Variants in ZBTB38 observed in about 807,000 individuals in gnomAD.
ZBTB38 encodes the protein zinc finger and BTB domain-containing protein 38.
In ZBTB38, 20 loss-of-function variants were observed where a neutral mutation model predicts 76.8. That is an observed-to-expected ratio of 0.26 (90% CI 0.18 to 0.38). The LOEUF (loss-of-function observed/expected upper bound fraction) is 0.38, where lower values mean the gene tolerates loss of function less well. Among genes scored for constraint, ZBTB38 ranks in the 10% least tolerant of loss-of-function variants. The pLI, the probability that ZBTB38 is intolerant of heterozygous loss-of-function variation, is 1.00. For synonymous variants in ZBTB38, 504 were observed against 544.2 expected (o/e 0.93, Z 1.03); for missense variants, 1,082 against 1,482.3 (o/e 0.73, Z 4.43).
chr3:141,443,534 C>G lies in ZBTB38; in HGVS notation c.1146C>G (p.Thr382=). 1 of 1,614,172 alleles carries G rather than the reference C, an allele frequency of 6.2e-7. No homozygotes were observed. ...VCKYCNKQFT[T]LNRLDRHEQI... ...AGTATTGCAACAAACAATTCACCAC[C>G]CTGAACAGGTTGGATCGGCATGAAC... Residue 382 remains threonine, a synonymous_variant, in exon 6 of 6, where the codon ACC becomes ACG. Coordinates refer to ENST00000321464, the MANE Select transcript of ZBTB38 (RefSeq NM_001376113.1). This position sits in a 1 kb window ranked among gnomAD's most constrained non-coding sequence, Gnocchi z 5.6.
chr3:141,398,188 A>G (rs1950790346), intron 4 of ZBTB38, among the ~76,000 whole-genome samples: 2 of 152,184 alleles, frequency 1.3e-5, no homozygotes, highest in African/African-American at 4.8e-5. Flanking sequence ...TTGCAGGCCC[A>G]TTTTCTAATT....
rs368598601 is a variant in ZBTB38, at chr3:141,442,676, C to T, written c.288C>T (p.Val96=). The stretch of plus-strand genomic sequence containing the variant: ...TTAATTATATCTACAGTTCCACAGT[C>T]GTTGTCAAGAGACAGGAAACAGTCA... ...EILNYIYSST[V]VVKRQETVTD... The change falls in exon 6 of 6, where the codon GTC becomes GTT. Residue 96 remains valine (V), a synonymous_variant. Coordinates refer to ENST00000321464, the MANE Select transcript of ZBTB38 (RefSeq NM_001376113.1). This position sits in a 1 kb window ranked among gnomAD's most constrained non-coding sequence, Gnocchi z 6.4. The T allele has an allele frequency of 8.7e-6, 14 of 1,613,986 alleles. No individual in the cohort carries two copies. The highest frequency in any genetic ancestry group is 3.3e-5 in the Admixed American group (2 of 60,004).
intron 4 of ZBTB38, among the ~76,000 whole-genome samples, chr3:141,391,054 G>A (rs894602124): frequency 2.0e-5 from 3 of 152,066 alleles, no homozygotes; most frequent in African/African-American, 7.2e-5. Flanking sequence ...TAGCTATGCC[G>A]GAGGCTGAGG....
chr3:141,439,418 A>G (rs2079582875), intron 5 of ZBTB38, among the ~76,000 whole-genome samples: 1 of 152,272 alleles, frequency 6.6e-6, no homozygotes, highest in Non-Finnish European at 1.5e-5. Context: ...CAATATTTTA[A>G]TGACATATAT....
chr3:141,372,865 G>A (rs887992134), intron 2 of ZBTB38, among the ~76,000 whole-genome samples: 4 of 152,176 alleles, frequency 2.6e-5, no homozygotes, highest in African/African-American at 9.7e-5. Context: ...GTGGGAGAAT[G>A]GCTAATCACA....
In ZBTB38 at chr3:141,444,210, C is replaced by T; in HGVS notation, c.1822C>T (p.Pro608Ser). Residue 608 changes from proline (P) to serine (S), a missense_variant, in exon 6 of 6, where the codon CCA becomes TCA. Around this residue, in one of 8 missense-constraint regions of ZBTB38, gnomAD observed 471 missense variants for 581.0 expected, o/e 0.81. Coordinates refer to ENST00000321464, the MANE Select transcript of ZBTB38 (RefSeq NM_001376113.1). The surrounding 1 kb of genome is among the most constrained non-coding windows in gnomAD (Gnocchi z 5.1). ...SAPGTYVVQNPHSSELPTLNF... is the reference protein window; with the variant it reads ...SAPGTYVVQNSHSSELPTLNF... ...ACCTGGTACCTATGTTGTTCAGAAT[C>T]CACACAGCTCTGAATTACCAACGCT... The T allele has an allele frequency of 6.2e-7, 1 of 1,614,192 alleles. No individual in the cohort carries two copies.
intron 5 of ZBTB38, among the ~76,000 whole-genome samples, chr3:141,412,270 C>T (rs1956925046): frequency 1.3e-5 from 2 of 152,172 alleles, no homozygotes; most frequent in African/African-American, 2.4e-5. Flanking sequence ...GACGATTACC[C>T]TTGTGAAAGG....
At chr3:141,423,251 A>G (rs2075772544) in intron 5 of ZBTB38, among the ~76,000 whole-genome samples, 1 of 152,224 alleles carries the variant, frequency 6.6e-6, no homozygotes. Flanking sequence ...ACTGTCGAGC[A>G]TTTAATTGGT....
Position 141,442,315 on chromosome 3 carries a change from A to C in ZBTB38, c.1-74A>C. 1 of 1,124,616 alleles carries C rather than the reference A, an allele frequency of 8.9e-7. No homozygotes were observed. Among genetic ancestry groups the C allele is most frequent in the Non-Finnish European group, 1.3e-6 (1 of 779,756 alleles). 69.7% of individuals were successfully genotyped at this position (1,124,616 alleles called of 1,614,324 possible). A position where few individuals can be genotyped will look rare whatever the true frequency, so the allele number is the denominator to read the frequency against. ...CATACAAAAGAACAGTTTTTCACAG[A>C]AGTGGAAAATAGTCTAGAGATAAAG... On this transcript the variant is annotated intron_variant, in intron 5 of 5. Transcript: ENST00000321464. The surrounding 1 kb of genome is among the most constrained non-coding windows in gnomAD (Gnocchi z 6.4).
intron 2 of ZBTB38, among the ~76,000 whole-genome samples, chr3:141,377,769 A>G (rs550388423): frequency 3.9e-5 from 6 of 152,232 alleles, no homozygotes; most frequent in Middle Eastern, 3.2e-3. Context: ...CTATTCAGCA[A>G]TAAAAAGGCA....
At chr3:141,336,196 T>C (rs545389881) in intron 1 of ZBTB38, among the ~76,000 whole-genome samples, 1 of 152,328 alleles carries the variant, frequency 6.6e-6, no homozygotes, top group East Asian at 1.9e-4. Context: ...GATGGGACGT[T>C]TGTCTTAAAG....
chr3:141,400,940 G>A (rs1275278658), intron 4 of ZBTB38, among the ~76,000 whole-genome samples: 1 of 152,158 alleles, frequency 6.6e-6, no homozygotes, highest in Admixed American at 6.5e-5. Context: ...CCACCTTCCA[G>A]TCACAGGGAA....
chr3:141,351,923 G>A lies in ZBTB38; in HGVS notation c.-738-16698G>A, dbSNP rs184170774. Among the ~76,000 whole-genome samples the A allele has an allele frequency of 2.0e-5, 3 of 152,108 alleles. No homozygotes were observed. The East Asian group carries it at 5.8e-4, about 29-fold the overall frequency. ...ATACCATTTGAACCTCAGGTTGTTGGAGATTTCAATACAAAGATAAAGTCT... is the reference window on the plus strand; with the variant it reads ...ATACCATTTGAACCTCAGGTTGTTGAAGATTTCAATACAAAGATAAAGTCT... On this transcript the variant is annotated intron_variant, in intron 1 of 7. Transcript: ENST00000509842.
At chr3:141,440,206 C>A (rs2079802810) in intron 5 of ZBTB38, among the ~76,000 whole-genome samples, 1 of 152,144 alleles carries the variant, frequency 6.6e-6, no homozygotes, top group African/African-American at 2.4e-5. Context: ...AGAATAGCTA[C>A]AACAATTGAT....
intron 3 of ZBTB38, among the ~76,000 whole-genome samples, chr3:141,382,328 A>G (rs1946318273): frequency 6.6e-6 from 1 of 152,226 alleles, no homozygotes; most frequent in Non-Finnish European, 1.5e-5. Context: ...CTGATAACAA[A>G]TTTATTCACA....
At chr3:141,340,751 G>T (rs1447099239) in intron 1 of ZBTB38, among the ~76,000 whole-genome samples, 1 of 151,666 alleles carries the variant, frequency 6.6e-6, no homozygotes, top group Non-Finnish European at 1.5e-5. Context: ...CAAAAAATTA[G>T]CCGGGTGTGG....
At chr3:141,421,491 G>T (rs560992907) in intron 5 of ZBTB38, among the ~76,000 whole-genome samples, 1 of 151,994 alleles carries the variant, frequency 6.6e-6, no homozygotes, top group Non-Finnish European at 1.5e-5. Context: ...AGTTTTTTGG[G>T]TTTTTTTGTT....
chr3:141,381,637 GC>G (rs1946208343), intron 3 of ZBTB38, 150 bp downstream of exon 3: 1 of 152,256 alleles, frequency 6.6e-6, no homozygotes, highest in South Asian at 2.1e-4. Flanking sequence ...TGAGCGTTGA[GC>G]AAGATAGTCT....
At chr3:141,438,057 G>A (rs1042723744) in intron 5 of ZBTB38, among the ~76,000 whole-genome samples, 9 of 145,802 alleles carry the variant, frequency 6.2e-5, no homozygotes, top group Admixed American at 3.4e-4. Context: ...GACTACAGGC[G>A]CACGCCACTA....
Sources: gnomAD v4.1 joint callset for allele counts (sites outside exome capture counted in the v4.1 genomes callset) on GRCh38, gnomAD v4.1.1 for gene constraint, gnomAD v4.1.1 regional missense constraint, Gnocchi (gnomAD v3.1) non-coding constraint, MANE v1.5 for transcripts, NCBI Gene and HGNC (gene_info 2026-07-23, HGNC 2026-07-21) for gene names.